Variants in FGGY observed in about 807,000 individuals in gnomAD.
The protein encoded by FGGY is FGGY carbohydrate kinase domain-containing protein.
A neutral mutation model predicts 71.3 loss-of-function variants in FGGY; 72 were observed. The ratio of observed to expected loss-of-function variants is 1.01; its 90% CI spans 0.84 to 1.23. The LOEUF (loss-of-function observed/expected upper bound fraction) is 1.23, where lower values mean the gene tolerates loss of function less well. Ranked by LOEUF, FGGY falls within the 50% of genes most tolerant of loss-of-function variation. The probability of loss-of-function intolerance (pLI) is 0.00; values close to 1 mark genes in which losing one functional copy is unlikely to be tolerated. For synonymous variants in FGGY, 251 were observed against 250.3 expected, an observed-to-expected ratio of 1.00 and a Z score of -0.02; for missense variants, 668 against 682.3, an observed-to-expected ratio of 0.98 and a Z score of 0.23.
chr1:59,359,905 T>C (rs2153229895), intron 4 of FGGY, among the ~76,000 whole-genome samples: 1 of 152,206 alleles, frequency 6.6e-6, no homozygotes, highest in Non-Finnish European at 1.5e-5. Flanking sequence ...GCTGCCTAAG[T>C]GGCTCTATCC....
At chr1:59,390,157 T>C (rs1005439013) in intron 5 of FGGY, among the ~76,000 whole-genome samples, 1 of 152,180 alleles carries the variant, frequency 6.6e-6, no homozygotes, top group African/African-American at 2.4e-5. Context: ...CCAGTAAATA[T>C]TAGATATTCT....
chr1:59,586,275 G>T (rs2096284769), intron 8 of FGGY, among the ~76,000 whole-genome samples: 1 of 152,174 alleles, frequency 6.6e-6, no homozygotes, highest in Non-Finnish European at 1.5e-5. Context: ...ATCCAACAAT[G>T]ATAGACTGGA....
intron 8 of FGGY, among the ~76,000 whole-genome samples, chr1:59,567,975 C>G (rs376759930): frequency 2.0e-4 from 30 of 151,670 alleles, no homozygotes; most frequent in African/African-American, 7.0e-4. Flanking sequence ...GCAGGTGCAT[C>G]TGCACACGCT....
intron 12 of FGGY, among the ~76,000 whole-genome samples, chr1:59,663,445 C>T (rs1348129067): frequency 6.6e-6 from 1 of 152,112 alleles, no homozygotes; most frequent in Non-Finnish European, 1.5e-5. Context: ...AGGTTCCTTT[C>T]CTGGTAAGAG....
chr1:59,331,580 C>T (rs1469931592), intron 2 of FGGY, among the ~76,000 whole-genome samples: 2 of 152,160 alleles, frequency 1.3e-5, no homozygotes, highest in Non-Finnish European at 2.9e-5. Context: ...ACCACCTCCT[C>T]CTTGCATTCC....
rs755381829 is a variant in FGGY at position 59,674,891 on chromosome 1, C to A, written c.1512+758C>A. ...AGAGCATACAGGCTCTGGCATTAGA[C>A]CACCTGGGCTCAAATCCTAGCTTGA... is the stretch of plus-strand genomic sequence containing the variant. On this transcript the variant is annotated intron_variant, in intron 14 of 15. Coordinates refer to ENST00000303721, the MANE Select transcript of FGGY (RefSeq NM_018291.5). Among the ~76,000 whole-genome samples the A allele has an allele frequency of 9.2e-5, 14 of 152,282 alleles. No homozygotes were observed. The South Asian group carries it at 2.3e-3, about 25-fold the overall frequency.
At chr1:59,543,090 G>T (rs1320919104) in intron 7 of FGGY, among the ~76,000 whole-genome samples, 2 of 152,166 alleles carry the variant, frequency 1.3e-5, no homozygotes, top group Non-Finnish European at 2.9e-5. Context: ...TACTTCATGA[G>T]ATTTTCTGAA....
intron 14 of FGGY, among the ~76,000 whole-genome samples, chr1:59,713,856 A>G (rs2097821092): frequency 6.6e-6 from 1 of 152,218 alleles, no homozygotes; most frequent in Non-Finnish European, 1.5e-5. Flanking sequence ...TATTTGTTGC[A>G]TACTTCAGTA....
At chr1:59,657,574 G>A (rs2097232084) in intron 11 of FGGY, among the ~76,000 whole-genome samples, 1 of 152,168 alleles carries the variant, frequency 6.6e-6, no homozygotes, top group African/African-American at 2.4e-5. Context: ...TTCAGCTCAT[G>A]ACTGGTGTTC....
intron 14 of FGGY, among the ~76,000 whole-genome samples, chr1:59,729,831 C>A (rs1236529295): frequency 6.6e-6 from 1 of 152,196 alleles, no homozygotes; most frequent in Non-Finnish European, 1.5e-5. Context: ...AGACAGAAGG[C>A]TTGCAGGCAC....
intron 4 of FGGY, among the ~76,000 whole-genome samples, chr1:59,372,600 C>G (rs1489555888): frequency 6.6e-6 from 1 of 152,072 alleles, no homozygotes; most frequent in Non-Finnish European, 1.5e-5. Context: ...GGCAGAGACA[C>G]AATTAAAAAA....
chr1:59,425,886 T>C (rs987624552), intron 5 of FGGY, among the ~76,000 whole-genome samples: 1 of 152,240 alleles, frequency 6.6e-6, no homozygotes, highest in Non-Finnish European at 1.5e-5. Flanking sequence ...ATAATGGAAT[T>C]GATTTTTCAG....
chr1:59,541,876 A>G (rs1460730895), intron 7 of FGGY, among the ~76,000 whole-genome samples: 1 of 152,232 alleles, frequency 6.6e-6, no homozygotes, highest in Non-Finnish European at 1.5e-5. Context: ...ATCATGTGTC[A>G]GTTACTGAAC....
At chr1:59,727,420 G>C (rs777221259) in intron 14 of FGGY, among the ~76,000 whole-genome samples, 5 of 152,134 alleles carry the variant, frequency 3.3e-5, no homozygotes, top group Non-Finnish European at 5.9e-5. Context: ...TAATGGGATT[G>C]TTACATTGAA....
chr1:59,599,191 C>A (rs995206014), intron 8 of FGGY, among the ~76,000 whole-genome samples: 1 of 152,102 alleles, frequency 6.6e-6, no homozygotes, highest in Non-Finnish European at 1.5e-5. Context: ...GTAACCTCCA[C>A]CTCCTGGGTT....
intron 4 of FGGY, among the ~76,000 whole-genome samples, chr1:59,353,835 C>G (rs565071626): frequency 3.9e-5 from 6 of 152,090 alleles, no homozygotes; most frequent in Non-Finnish European, 5.9e-5. Context: ...CATCTGCTAC[C>G]TTATGGGAAC....
At chr1:59,632,708 A>C (rs2096919198) in intron 10 of FGGY, among the ~76,000 whole-genome samples, 1 of 152,146 alleles carries the variant, frequency 6.6e-6, no homozygotes, top group South Asian at 2.1e-4. Flanking sequence ...GATTATTGGG[A>C]GCTCTCAAAC....
At chr1:59,578,187 G>T (rs1356008061) in intron 8 of FGGY, among the ~76,000 whole-genome samples, 1 of 152,208 alleles carries the variant, frequency 6.6e-6, no homozygotes, top group African/African-American at 2.4e-5. Flanking sequence ...GCCAGCTGGG[G>T]ATATCTTAAA....
intron 8 of FGGY, among the ~76,000 whole-genome samples, chr1:59,560,752 A>G (rs1191637880): frequency 1.3e-5 from 2 of 152,148 alleles, no homozygotes; most frequent in Non-Finnish European, 2.9e-5. Flanking sequence ...ATACTACAAT[A>G]CAAAATGGTA....
Sources: gnomAD v4.1 joint callset for allele counts (sites outside exome capture counted in the v4.1 genomes callset) on GRCh38, gnomAD v4.1.1 for gene constraint, MANE v1.5 for transcripts, NCBI Gene and HGNC (gene_info 2026-07-23, HGNC 2026-07-21) for gene names.